MYRIP: variants seen among roughly 807,000 people sequenced by gnomAD.
MYRIP encodes myosin VIIA and Rab interacting protein, also known as rab effector MyRIP.
MYRIP carries 49 observed loss-of-function variants against 98.0 expected under a neutral mutation model. The ratio of observed to expected loss-of-function variants is 0.50; its 90% CI spans 0.40 to 0.63. The LOEUF (loss-of-function observed/expected upper bound fraction) is 0.63. MYRIP is among the 30% of genes least tolerant of loss of function. The pLI is 0.00. For synonymous variants in MYRIP, 404 were observed against 409.5 expected (o/e 0.99, Z 0.16); for missense variants, 1,004 against 1,058.2 (o/e 0.95, Z 0.71).
In MYRIP at chr3:39,951,802, A is replaced by G. The variant is rs575430687; in HGVS notation, c.110+50876A>G. Among the ~76,000 whole-genome samples the G allele has an allele frequency of 8.5e-5, 13 of 152,262 alleles. No homozygotes were observed. In the South Asian group the frequency reaches 2.1e-3, roughly 24 times the overall value. ...CTGACAAAAGTTCTCTACTTTGACT[A>G]AAATGCTTCTCTCATAGACAGGGAA... On this transcript the variant is annotated intron_variant, in intron 2 of 16. Transcript: ENST00000302541.
chr3:39,924,415 G>A (rs1482791266), intron 2 of MYRIP, among the ~76,000 whole-genome samples: 5 of 152,092 alleles, frequency 3.3e-5, no homozygotes, highest in South Asian at 2.1e-4. Flanking sequence ...TAAACAGGTC[G>A]ATCAACGAAG....
chr3:40,086,230 C>A (rs758603718), intron 3 of MYRIP, among the ~76,000 whole-genome samples: 17 of 152,156 alleles, frequency 1.1e-4, no homozygotes, highest in Non-Finnish European at 2.1e-4. Flanking sequence ...CCAGCAGAGC[C>A]CCAGTCCAGA....
rs140955792 is a variant in MYRIP, at chr3:40,192,412, G to A, written c.1665+1949G>A. The stretch of plus-strand genomic sequence containing the variant: ...TATAAATAAATGAATATAGTATAAT[G>A]TAAAAAATACTTAAAACATACAGAT... On this transcript the variant is annotated intron_variant, in intron 10 of 16. Coordinates refer to ENST00000302541, the MANE Select transcript of MYRIP (RefSeq NM_015460.4). 7.4e-3 allele frequency among the ~76,000 whole-genome samples: 1,072 copies of A among 145,438 alleles called. 2 individuals carry two copies. Among genetic ancestry groups the A allele is most frequent in the Non-Finnish European group, 0.011 (767 of 66,908 alleles).
chr3:39,926,402 C>T (rs931283251), intron 2 of MYRIP, among the ~76,000 whole-genome samples: 2 of 151,978 alleles, frequency 1.3e-5, no homozygotes, highest in African/African-American at 2.4e-5. Context: ...GTCATAAATT[C>T]CTTGCCAAGG....
chr3:40,000,715 T>G (rs1292750966), intron 2 of MYRIP, among the ~76,000 whole-genome samples: 1 of 152,146 alleles, frequency 6.6e-6, no homozygotes, highest in Non-Finnish European at 1.5e-5. Flanking sequence ...AGAAAACTGA[T>G]GAGACTGACA....
intron 3 of MYRIP, among the ~76,000 whole-genome samples, chr3:40,048,502 C>A (rs1226793373): frequency 1.4e-5 from 2 of 148,018 alleles, no homozygotes; most frequent in East Asian, 4.0e-4. Flanking sequence ...ATACCTGGGG[C>A]TGTCTATTGT....
chr3:40,190,049 G>T lies in MYRIP; in HGVS notation c.1251G>T (p.Leu417=), dbSNP rs966549999. 6.2e-7 allele frequency: 1 copy of T among 1,613,892 alleles called. No individual in the cohort carries two copies. The highest frequency in any genetic ancestry group is 1.3e-5 in the African/African-American group (1 of 74,898). ...AGCTGTGTCCCAGGTCCCGGGCCCTGCCCAGGAACCCCCAGCCTCAGCCCA... is the reference window on the plus strand; with the variant it reads ...AGCTGTGTCCCAGGTCCCGGGCCCTTCCCAGGAACCCCCAGCCTCAGCCCA... The part of the protein sequence containing the change: ...LSKLCPRSRA[L]PRNPQPQPTQ... The change falls in exon 10 of 17, where the codon CTG becomes CTT. Residue 417 remains leucine, a synonymous_variant. Coordinates refer to ENST00000302541, the MANE Select transcript of MYRIP (RefSeq NM_015460.4).
intron 2 of MYRIP, among the ~76,000 whole-genome samples, chr3:40,003,449 A>G (rs901495669): frequency 6.6e-6 from 1 of 152,232 alleles, no homozygotes; most frequent in African/African-American, 2.4e-5. Context: ...ATAGGATTTC[A>G]CTGGTTCAGA....
At chr3:39,904,171 A>G (rs1943819173) in intron 2 of MYRIP, among the ~76,000 whole-genome samples, 1 of 152,182 alleles carries the variant, frequency 6.6e-6, no homozygotes, top group African/African-American at 2.4e-5. Flanking sequence ...TTTGATAACA[A>G]TTTAGATCTT....
intron 16 of MYRIP, among the ~76,000 whole-genome samples, chr3:40,253,936 G>A (rs953376134): frequency 6.6e-6 from 1 of 152,234 alleles, no homozygotes; most frequent in African/African-American, 2.4e-5. Flanking sequence ...TCTGGTTGAG[G>A]TGTAACAATT....
At chr3:39,820,938 CT>C (rs1467450830) in intron 1 of MYRIP, among the ~76,000 whole-genome samples, 1 of 152,134 alleles carries the variant, frequency 6.6e-6, no homozygotes, top group Non-Finnish European at 1.5e-5. Context: ...CCACCATCCA[CT>C]TTCTGCTTGG....
intron 10 of MYRIP, among the ~76,000 whole-genome samples, chr3:40,196,692 A>C (rs1307745993): frequency 6.6e-6 from 1 of 152,142 alleles, no homozygotes; most frequent in Non-Finnish European, 1.5e-5. Context: ...TTGGAGACAA[A>C]ACTGCATGTG....
At chr3:39,855,585 A>G (rs1227237941) in intron 1 of MYRIP, among the ~76,000 whole-genome samples, 1 of 151,764 alleles carries the variant, frequency 6.6e-6, no homozygotes, top group Non-Finnish European at 1.5e-5. Context: ...TGCTTCTGCT[A>G]TCTCATATGG....
At chr3:40,066,448 T>G (rs908632239) in intron 3 of MYRIP, among the ~76,000 whole-genome samples, 1 of 152,172 alleles carries the variant, frequency 6.6e-6, no homozygotes, top group Non-Finnish European at 1.5e-5. Context: ...TCAGAGGGTG[T>G]TGGCAATGTT....
At chr3:40,032,264 A>G (rs575810870) in intron 2 of MYRIP, among the ~76,000 whole-genome samples, 1 of 152,142 alleles carries the variant, frequency 6.6e-6, no homozygotes, top group African/African-American at 2.4e-5. Flanking sequence ...GTCATTCAGG[A>G]GCAGGTTGTT....
chr3:39,874,367 C>T (rs1232959757), intron 1 of MYRIP, among the ~76,000 whole-genome samples: 2 of 151,696 alleles, frequency 1.3e-5, no homozygotes, highest in Non-Finnish European at 2.9e-5. Flanking sequence ...GCCAGAACTT[C>T]CAACACTATG....
intron 3 of MYRIP, among the ~76,000 whole-genome samples, chr3:40,103,769 G>GA (rs887103730): frequency 2.4e-4 from 36 of 150,442 alleles, no homozygotes; most frequent in African/African-American, 7.3e-4. Context: ...AAAAAAAAGA[G>GA]AAAAAAAAAC....
intron 1 of MYRIP, among the ~76,000 whole-genome samples, chr3:39,865,641 G>C (rs1242206856): frequency 6.6e-6 from 1 of 152,174 alleles, no homozygotes; most frequent in Non-Finnish European, 1.5e-5. Flanking sequence ...TCTCACACCA[G>C]TCAGAATGGC....
At chr3:40,103,179 A>G (rs1256458787) in intron 3 of MYRIP, among the ~76,000 whole-genome samples, 1 of 152,054 alleles carries the variant, frequency 6.6e-6, no homozygotes, top group Admixed American at 6.5e-5. Context: ...CTCCTCCCAC[A>G]GTGTGCCCAC....
Sources: allele counts gnomAD v4.1 joint callset (sites outside exome capture counted in the v4.1 genomes callset), GRCh38; gene constraint gnomAD v4.1.1; transcripts MANE v1.5; gene names NCBI Gene and HGNC (gene_info 2026-07-23, HGNC 2026-07-21).